Variants in MGAT4C observed in about 807,000 individuals in gnomAD.
MGAT4C encodes alpha-1,3-mannosyl-glycoprotein 4-beta-N-acetylglucosaminyltransferase C.
A neutral mutation model predicts 40.1 loss-of-function variants in MGAT4C; 19 were observed. The observed-to-expected ratio is 0.47, with a 90% confidence interval of 0.33 to 0.70. The LOEUF (loss-of-function observed/expected upper bound fraction) is 0.70, where lower values mean the gene tolerates loss of function less well. Among genes scored for constraint, MGAT4C ranks in the 30% least tolerant of loss-of-function variants. The probability of loss-of-function intolerance (pLI) is 0.02; values close to 1 mark genes in which losing one functional copy is unlikely to be tolerated. For synonymous variants in MGAT4C, 181 were observed against 187.1 expected (o/e 0.97, Z 0.27); for missense variants, 491 against 563.2 (o/e 0.87, Z 1.30).
chr12:86,358,758 A>G (rs963846207), intron 3 of MGAT4C, among the ~76,000 whole-genome samples: 38 of 152,238 alleles, frequency 2.5e-4, no homozygotes, highest in Non-Finnish European at 5.3e-4. Flanking sequence ...AAAGGGATCA[A>G]TTCAACAAGA....
At chr12:86,792,411 A>G (rs1224240941) in intron 1 of MGAT4C, among the ~76,000 whole-genome samples, 1 of 152,178 alleles carries the variant, frequency 6.6e-6, no homozygotes, top group Non-Finnish European at 1.5e-5. Context: ...GCCTTTACCC[A>G]GGTAAAGAAA....
intron 3 of MGAT4C, among the ~76,000 whole-genome samples, chr12:86,343,936 C>A (rs927464876): frequency 2.0e-5 from 3 of 152,030 alleles, no homozygotes; most frequent in South Asian, 2.1e-4. Flanking sequence ...GCCATTCTTT[C>A]ACACCAAACA....
At chr12:86,400,827 T>A (rs1417939789) in intron 3 of MGAT4C, among the ~76,000 whole-genome samples, 1 of 152,172 alleles carries the variant, frequency 6.6e-6, no homozygotes, top group African/African-American at 2.4e-5. Context: ...AGTAGGATTT[T>A]TCTTAAACTG....
At chr12:86,024,256 C>T (rs1449284984) in intron 2 of MGAT4C, among the ~76,000 whole-genome samples, 1 of 151,612 alleles carries the variant, frequency 6.6e-6, no homozygotes, top group Non-Finnish European at 1.5e-5. Context: ...GATGGTTCTA[C>T]TTTTGACTCT....
intron 2 of MGAT4C, among the ~76,000 whole-genome samples, chr12:86,477,650 G>T (rs936428545): frequency 6.6e-6 from 1 of 151,858 alleles, no homozygotes; most frequent in Non-Finnish European, 1.5e-5. Flanking sequence ...CAACGTGCAG[G>T]TTTGTTACAT....
intron 4 of MGAT4C, among the ~76,000 whole-genome samples, chr12:86,279,560 T>A (rs7964553): frequency 0.67 from 101,815 of 151,560 alleles, 34,620 homozygotes; most frequent in South Asian, 0.78. Context: ...TCTTAGTCTA[T>A]CAACTTTGCT....
intron 1 of MGAT4C, among the ~76,000 whole-genome samples, chr12:86,179,906 T>A (rs1006445836): frequency 6.6e-6 from 1 of 152,206 alleles, no homozygotes; most frequent in Non-Finnish European, 1.5e-5. Flanking sequence ...GAAATTTGCA[T>A]AAGTAGCAAA....
At position 86,096,366 on chromosome 12, in the gene MGAT4C, T is replaced by C. The variant is rs1487052946; in HGVS notation, c.-56-46643A>G. On this transcript the variant is annotated intron_variant, in intron 1 of 4. Coordinates refer to ENST00000611864, the MANE Select transcript of MGAT4C (RefSeq NM_001351288.2). Reference sequence around the variant, plus strand: ...CTTTGGTATTCTTCTATTACTTGCCTATCTTCTATATTTTTTACTTCTTGA... The same window carrying C: ...CTTTGGTATTCTTCTATTACTTGCCCATCTTCTATATTTTTTACTTCTTGA... Among the ~76,000 whole-genome samples the C allele has an allele frequency of 2.0e-5, 3 of 151,330 alleles. No homozygotes were observed. In the East Asian group the frequency reaches 5.8e-4, roughly 29 times the overall value.
At position 86,709,352 on chromosome 12, in the gene MGAT4C, C is replaced by T. The variant is rs187839836; in HGVS notation, c.-229+17857G>A. The stretch of plus-strand genomic sequence containing the variant: ...CTTTCTTTTGTAAATTGCCCAGTCT[C>T]AGGTATGTCTTTATCAGCAGTGTAA... On this transcript the variant is annotated intron_variant, in intron 2 of 7. Transcript: ENST00000548651. 3.4e-3 allele frequency among the ~76,000 whole-genome samples: 523 copies of T among 152,246 alleles called. 1 individual carries two copies. Among genetic ancestry groups the T allele is most frequent in the African/African-American group, 0.012 (501 of 41,528 alleles).
chr12:86,543,756 A>T (rs1030118241), intron 2 of MGAT4C, among the ~76,000 whole-genome samples: 1 of 151,250 alleles, frequency 6.6e-6, no homozygotes, highest in Non-Finnish European at 1.5e-5. Flanking sequence ...GATAATCCAA[A>T]ATCTAGTGAC....
chr12:86,193,091 A>G (rs2135908502), intron 1 of MGAT4C, among the ~76,000 whole-genome samples: 1 of 152,098 alleles, frequency 6.6e-6, no homozygotes, highest in South Asian at 2.1e-4. Context: ...TTCAACTTTT[A>G]TATGGAGTGC....
At chr12:86,714,523 G>A (rs1360950808) in intron 2 of MGAT4C, among the ~76,000 whole-genome samples, 1 of 152,020 alleles carries the variant, frequency 6.6e-6, no homozygotes, top group Non-Finnish European at 1.5e-5. Flanking sequence ...TAGTGAATAG[G>A]TCTCACAAAA....
intron 3 of MGAT4C, among the ~76,000 whole-genome samples, chr12:86,362,790 C>T (rs1955508058): frequency 7.0e-6 from 1 of 143,148 alleles, no homozygotes; most frequent in Non-Finnish European, 1.5e-5. Flanking sequence ...TGGCGTGAAC[C>T]TGGGATGTGG....
At chr12:86,235,636 A>T (rs538452589) in intron 1 of MGAT4C, among the ~76,000 whole-genome samples, 73 of 152,188 alleles carry the variant, frequency 4.8e-4, no homozygotes, top group Non-Finnish European at 7.8e-4. Flanking sequence ...ATGCCATATC[A>T]TTGTACTTGG....
chr12:86,795,930 G>T lies in MGAT4C; in HGVS notation c.-262+42736C>A, dbSNP rs149900458. On this transcript the variant is annotated intron_variant, in intron 1 of 7. Coordinates refer to the MGAT4C transcript ENST00000548651. ...AGGTTTGAAAGCAAAATCATATGCT[G>T]CCATATGGAAAATTAGAAAGAGAGC... is the stretch of plus-strand genomic sequence containing the variant. Among the ~76,000 whole-genome samples, 7 of 152,024 alleles carry T rather than the reference G, an allele frequency of 4.6e-5. No individual in the cohort carries two copies. The East Asian group carries it at 1.2e-3, about 25-fold the overall frequency.
At chr12:86,722,537 A>G (rs752101304) in intron 2 of MGAT4C, among the ~76,000 whole-genome samples, 1 of 152,212 alleles carries the variant, frequency 6.6e-6, no homozygotes, top group Non-Finnish European at 1.5e-5. Context: ...ATAGCACACT[A>G]TCAAGACCAC....
intron 2 of MGAT4C, among the ~76,000 whole-genome samples, chr12:86,631,310 G>A (rs1037350539): frequency 4.6e-5 from 7 of 152,170 alleles, no homozygotes; most frequent in East Asian, 1.9e-4. Flanking sequence ...AATCAAAATC[G>A]TGAATATGGC....
intron 2 of MGAT4C, among the ~76,000 whole-genome samples, chr12:86,689,911 C>G (rs368361796): frequency 1.3e-5 from 2 of 152,284 alleles, no homozygotes; most frequent in East Asian, 3.9e-4. Context: ...AAGCTTAGCC[C>G]ACAACAACCC....
At chr12:86,727,894 A>C (rs148397610) in intron 1 of MGAT4C, among the ~76,000 whole-genome samples, 1 of 152,240 alleles carries the variant, frequency 6.6e-6, no homozygotes, top group East Asian at 1.9e-4. Context: ...CCAGAACAAA[A>C]AAAAGAAACA....
Sources: gnomAD v4.1 joint callset for allele counts (sites outside exome capture counted in the v4.1 genomes callset) on GRCh38, gnomAD v4.1.1 for gene constraint, MANE v1.5 for transcripts, NCBI Gene and HGNC (gene_info 2026-07-23, HGNC 2026-07-21) for gene names.